Variants in SEMA3A observed in about 807,000 individuals in gnomAD.
SEMA3A encodes semaphorin-3A.
A neutral mutation model predicts 97.9 loss-of-function variants in SEMA3A; 29 were observed. The observed-to-expected ratio is 0.30, with a 90% CI of 0.22 to 0.40. The LOEUF (loss-of-function observed/expected upper bound fraction) is 0.40, where lower values mean the gene tolerates loss of function less well. SEMA3A is among the 10% of genes least tolerant of loss of function. SEMA3A has a pLI of 1.00. For missense variants in SEMA3A, 763 were observed against 951.3 expected, an observed-to-expected ratio of 0.80 and a Z score of 2.60; for synonymous variants, 321 against 323.7, an observed-to-expected ratio of 0.99 and a Z score of 0.09.
intron 1 of SEMA3A, among the ~76,000 whole-genome samples, chr7:84,189,312 T>C (rs1235010598): frequency 6.6e-6 from 1 of 151,902 alleles, no homozygotes; most frequent in Non-Finnish European, 1.5e-5. Context: ...TTGATTAATA[T>C]GTAACTCTGT....
At chr7:84,396,846 G>A (rs1346645825) in intron 1 of SEMA3A, among the ~76,000 whole-genome samples, 1 of 151,854 alleles carries the variant, frequency 6.6e-6, no homozygotes, top group African/African-American at 2.4e-5. Context: ...TCCTTATCAA[G>A]GCAGTATTTA....
intron 4 of SEMA3A, among the ~76,000 whole-genome samples, chr7:84,100,665 T>C (rs1385250692): frequency 6.6e-6 from 1 of 152,150 alleles, no homozygotes; most frequent in Non-Finnish European, 1.5e-5. Flanking sequence ...TCATATTCCT[T>C]ACAATCAATA....
chr7:84,155,229 A>C (rs533599819), intron 1 of SEMA3A, among the ~76,000 whole-genome samples: 1 of 152,164 alleles, frequency 6.6e-6, no homozygotes, highest in African/African-American at 2.4e-5. Flanking sequence ...GATTCTGCCT[A>C]TGATTGAATC....
chr7:84,337,220 T>C (rs141630316), intron 2 of SEMA3A, among the ~76,000 whole-genome samples: 164 of 152,284 alleles, frequency 1.1e-3, no homozygotes, highest in African/African-American at 3.6e-3. Context: ...CAATAATTCA[T>C]TGTTATTTTT....
At chr7:84,007,550 G>A in intron 9 of SEMA3A, 53 bp from the exon 10 acceptor site, 3 of 1,277,444 alleles carry the variant, frequency 2.3e-6, no homozygotes, top group Non-Finnish European at 3.1e-6. Flanking sequence ...ACAATGGTAA[G>A]AGAAATATTG....
intron 1 of SEMA3A, among the ~76,000 whole-genome samples, chr7:84,398,595 A>C (rs2116200726): frequency 6.6e-6 from 1 of 151,710 alleles, no homozygotes; most frequent in East Asian, 1.9e-4. Context: ...CTGTCTCTAC[A>C]ATTTTTTTTC....
chr7:84,154,213 C>G (rs1024378018), intron 1 of SEMA3A, among the ~76,000 whole-genome samples: 16 of 151,890 alleles, frequency 1.1e-4, no homozygotes, highest in Non-Finnish European at 1.3e-4. Flanking sequence ...TAATAATAAA[C>G]CTTGATTATT....
chr7:84,425,065 T>TTA (rs1476095868), intron 1 of SEMA3A, among the ~76,000 whole-genome samples: 3 of 106,300 alleles, frequency 2.8e-5, no homozygotes, highest in South Asian at 3.0e-4. Context: ...TAATTATAAT[T>TTA]TATAAATATA....
chr7:84,064,030 T>C (rs1235747344), intron 4 of SEMA3A, among the ~76,000 whole-genome samples: 6 of 152,022 alleles, frequency 3.9e-5, no homozygotes, highest in Non-Finnish European at 7.4e-5. Flanking sequence ...AAAGGTCGGG[T>C]TACCCACAAA....
chr7:84,264,658 A>C (rs1799946030), intron 3 of SEMA3A, among the ~76,000 whole-genome samples: 1 of 152,206 alleles, frequency 6.6e-6, no homozygotes, highest in Non-Finnish European at 1.5e-5. Flanking sequence ...AGCCACATTC[A>C]TGCCTAGAAA....
rs964977275 is a variant in SEMA3A at position 84,060,576 on chromosome 7, A to G, written c.454-18T>C. ...ATATTGTCCTGTGGATTTAAAAAAG[A>G]AAGAGAAAAGGGTTTCCTTTATATA... On this transcript the variant is annotated intron_variant, in intron 4 of 16. Coordinates refer to ENST00000265362, the MANE Select transcript of SEMA3A (RefSeq NM_006080.3). 2.0e-6 allele frequency: 3 copies of G among 1,510,944 alleles called. No homozygotes were observed. Among genetic ancestry groups the G allele is most frequent in the Admixed American group, 2.3e-5 (1 of 43,640 alleles). 93.6% of individuals were successfully genotyped at this position (1,510,944 alleles called of 1,614,324 possible). A position where few individuals can be genotyped will look rare whatever the true frequency, so the allele number is the denominator to read the frequency against.
At chr7:84,374,584 C>A (rs1357106692) in intron 1 of SEMA3A, among the ~76,000 whole-genome samples, 1 of 152,162 alleles carries the variant, frequency 6.6e-6, no homozygotes, top group Non-Finnish European at 1.5e-5. Flanking sequence ...TTATAGTGAT[C>A]TGCATCTATA....
intron 12 of SEMA3A, among the ~76,000 whole-genome samples, chr7:83,990,555 G>A (rs1228408149): frequency 8.7e-6 from 1 of 114,802 alleles, no homozygotes; most frequent in African/African-American, 3.4e-5. Flanking sequence ...AGTTTTCCCA[G>A]CACCATTTAT....
chr7:84,405,486 C>G (rs957867323), intron 1 of SEMA3A, among the ~76,000 whole-genome samples: 2 of 152,058 alleles, frequency 1.3e-5, no homozygotes, highest in African/African-American at 4.8e-5. Context: ...GACAGATCAA[C>G]GAGACAGAAA....
intron 1 of SEMA3A, among the ~76,000 whole-genome samples, chr7:84,403,006 G>C (rs544496927): frequency 6.6e-6 from 1 of 152,228 alleles, no homozygotes; most frequent in South Asian, 2.1e-4. Flanking sequence ...ATTTCCAACT[G>C]AGGTAATGGG....
intron 4 of SEMA3A, among the ~76,000 whole-genome samples, chr7:84,107,648 G>A (rs567528388): frequency 6.6e-6 from 1 of 152,076 alleles, no homozygotes; most frequent in Non-Finnish European, 1.5e-5. Flanking sequence ...CCTGGTAAAT[G>A]GCCTGGCTCC....
intron 1 of SEMA3A, among the ~76,000 whole-genome samples, chr7:84,463,859 T>C (rs545318555): frequency 6.6e-6 from 1 of 152,108 alleles, no homozygotes; most frequent in Non-Finnish European, 1.5e-5. Context: ...TATATTACAA[T>C]ATAATTATAT....
chr7:84,461,482 G>C (rs1238705205), intron 1 of SEMA3A, among the ~76,000 whole-genome samples: 1 of 148,294 alleles, frequency 6.7e-6, no homozygotes, highest in Non-Finnish European at 1.5e-5. Flanking sequence ...TTTTACAGCT[G>C]TCTTCCCCTT....
At chr7:84,061,637 T>A (rs1394379815) in intron 4 of SEMA3A, among the ~76,000 whole-genome samples, 1 of 152,210 alleles carries the variant, frequency 6.6e-6, no homozygotes, top group Non-Finnish European at 1.5e-5. Flanking sequence ...GGTGTCCATT[T>A]TATGATCAGT....
Sources: gnomAD v4.1 joint callset for allele counts (sites outside exome capture counted in the v4.1 genomes callset) on GRCh38, gnomAD v4.1.1 for gene constraint, MANE v1.5 for transcripts, NCBI Gene and HGNC (gene_info 2026-07-23, HGNC 2026-07-21) for gene names.